The following LIPA variants were observed in gnomAD, a reference collection of about 807,000 sequenced individuals.
LIPA encodes lysosomal acid lipase/cholesteryl ester hydrolase.
LIPA carries 26 observed loss-of-function variants against 40.6 expected under a neutral mutation model. The observed-to-expected ratio is 0.64, with a 90% CI of 0.47 to 0.89. LIPA has a LOEUF of 0.89. Ranked by LOEUF, LIPA falls within the 40% of genes least tolerant of loss-of-function variation. LIPA has a pLI of 0.00. For synonymous variants in LIPA, 188 were observed against 168.4 expected, an observed-to-expected ratio of 1.12 and a Z score of -0.90; for missense variants, 455 against 479.6, an observed-to-expected ratio of 0.95 and a Z score of 0.48.
At chr10:89,262,350 G>A (rs1002921801) in intron 1 of LIPA, among the ~76,000 whole-genome samples, 2 of 152,134 alleles carry the variant, frequency 1.3e-5, no homozygotes, top group African/African-American at 4.8e-5. Context: ...GTCATCCCTG[G>A]AGTCTGCTCA....
intron 1 of LIPA, chr10:89,302,022 T>C (rs898770632): frequency 1.5e-6 from 2 of 1,338,140 alleles, no homozygotes; most frequent in African/African-American, 1.4e-5. Context: ...CTTGTATATA[T>C]AGGTCTCTTC....
chr10:89,375,763 T>C (rs186053053), intron 2 of LIPA, among the ~76,000 whole-genome samples: 236 of 152,282 alleles, frequency 1.5e-3, no homozygotes, highest in Middle Eastern at 0.014. Context: ...GCTTAGAGAA[T>C]TTTTCTGCCT....
Position 89,215,933 on chromosome 10 carries a change from T to G in LIPA, c.966+5A>C. The G allele has an allele frequency of 6.2e-7, 1 of 1,600,610 alleles. No homozygotes were observed. ...CCCCTTTAATGAAAAGACTAAAAACTTTACCTGGTTGTAATGAAAATAATT... is the reference window on the plus strand; with the variant it reads ...CCCCTTTAATGAAAAGACTAAAAACGTTACCTGGTTGTAATGAAAATAATT... On this transcript the variant is annotated splice_donor_5th_base_variant and intron_variant, in intron 9 of 9. Transcript: ENST00000336233.
chr10:89,378,283 A>T (rs542860104), intron 2 of LIPA: 1 of 763,512 alleles, frequency 1.3e-6, no homozygotes, highest in Non-Finnish European at 2.3e-6. Context: ...CACCCTCAAC[A>T]TGATAACCAA....
chr10:89,299,200 T>C (rs551907724), intron 1 of LIPA, among the ~76,000 whole-genome samples: 1 of 150,308 alleles, frequency 6.7e-6, no homozygotes, highest in East Asian at 2.0e-4. Flanking sequence ...TTGAATGAAA[T>C]ACAAAATATA....
chr10:89,262,418 T>C (rs563292027), intron 1 of LIPA, among the ~76,000 whole-genome samples: 1 of 152,366 alleles, frequency 6.6e-6, no homozygotes, highest in Non-Finnish European at 1.5e-5. Flanking sequence ...GTCTCTCTTT[T>C]CTTTGTCTCT....
At chr10:89,413,692 T>C (rs10887956) in intron 1 of LIPA, among the ~76,000 whole-genome samples, 5,271 of 149,628 alleles carry the variant, frequency 0.035, 138 homozygotes, top group South Asian at 0.13. Context: ...GCTTGAGCCA[T>C]GAAGGTTGAG....
chr10:89,254,188 G>T (rs578074607), upstream of LIPA, among the ~76,000 whole-genome samples: 16 of 152,328 alleles, frequency 1.1e-4, no homozygotes, highest in South Asian at 1.0e-3. Flanking sequence ...TTTCCCTTCT[G>T]CACTGACCTA....
intron 2 of LIPA, among the ~76,000 whole-genome samples, chr10:89,364,189 G>GT (rs1844042824): frequency 6.6e-6 from 1 of 152,172 alleles, no homozygotes; most frequent in Non-Finnish European, 1.5e-5. Context: ...CCACGTGGTT[G>GT]TGGCAGCAAT....
At chr10:89,406,067 C>T (rs892462817) in intron 2 of LIPA, 1 of 152,184 alleles carries the variant, frequency 6.6e-6, no homozygotes, top group Non-Finnish European at 1.5e-5. Context: ...ACATTAAATG[C>T]TATATTTTCG....
chr10:89,352,790 A>T (rs1040544264), intron 2 of LIPA, among the ~76,000 whole-genome samples: 3 of 30,690 alleles, frequency 9.8e-5, no homozygotes, highest in African/African-American at 3.1e-4. Context: ...TACAAAGATA[A>T]AAAAAAAAAA....
rs764329251 is a variant in LIPA at position 89,383,720 on chromosome 10, T to C, written c.61+29071A>G. On this transcript the variant is annotated intron_variant, in intron 2 of 8. Transcript: ENST00000371837. ...TTTGCAAATCCTTCCCGCTATAGAA[T>C]GGAGTGTCCAGAGGTGGACTGTGAG... 3.1e-5 allele frequency: 50 copies of C among 1,613,982 alleles called. No homozygotes were observed. The Admixed American group carries it at 8.2e-4, about 26-fold the overall frequency.
intron 2 of LIPA, among the ~76,000 whole-genome samples, chr10:89,350,671 A>G (rs1843954013): frequency 6.6e-6 from 1 of 152,118 alleles, no homozygotes; most frequent in African/African-American, 2.4e-5. Flanking sequence ...GAAGGATACT[A>G]CAGAAGAGAG....
chr10:89,393,626 A>T (rs1844291044), intron 2 of LIPA, among the ~76,000 whole-genome samples: 2 of 152,240 alleles, frequency 1.3e-5, no homozygotes, highest in Non-Finnish European at 2.9e-5. Flanking sequence ...GCTACTTGGG[A>T]GGCTGAGGCA....
intron 1 of LIPA, among the ~76,000 whole-genome samples, chr10:89,333,253 G>C (rs1467757232): frequency 6.6e-6 from 1 of 152,120 alleles, no homozygotes; most frequent in Non-Finnish European, 1.5e-5. Context: ...TTCTGCGAGT[G>C]GCCTGAATCA....
At chr10:89,225,418 T>C (rs1000576525) in intron 5 of LIPA, among the ~76,000 whole-genome samples, 190 bp from the exon 6 acceptor site, 4 of 152,084 alleles carry the variant, frequency 2.6e-5, no homozygotes, top group Non-Finnish European at 5.9e-5. Flanking sequence ...CTGAATTTGG[T>C]TAAACTAGTA....
chr10:89,336,902 A>G (rs1843750702), intron 1 of LIPA, among the ~76,000 whole-genome samples: 1 of 152,240 alleles, frequency 6.6e-6, no homozygotes. Flanking sequence ...CATACAGCCC[A>G]AGCCCCAGGC....
At chr10:89,275,696 T>C (rs771568208) in intron 1 of LIPA, among the ~76,000 whole-genome samples, 19 of 152,228 alleles carry the variant, frequency 1.2e-4, no homozygotes, top group Non-Finnish European at 2.6e-4. Context: ...AAACTGGGAT[T>C]AGAAAACTAG....
intron 1 of LIPA, chr10:89,284,452 C>G (rs545266935): frequency 1.6e-4 from 24 of 152,252 alleles, no homozygotes; most frequent in Non-Finnish European, 5.9e-5. Flanking sequence ...CTAAAAGCCT[C>G]CAGTGAAGCT....
Sources: gnomAD v4.1 joint callset for allele counts (sites outside exome capture counted in the v4.1 genomes callset) on GRCh38, gnomAD v4.1.1 for gene constraint, MANE v1.5 for transcripts, NCBI Gene and HGNC (gene_info 2026-07-23, HGNC 2026-07-21) for gene names.